EPHB1: variants seen among roughly 807,000 people sequenced by gnomAD.
EPHB1 encodes EPH receptor B1.
EPHB1 carries 30 observed loss-of-function variants against 94.4 expected under a neutral mutation model. The observed-to-expected ratio is 0.32, with a 90% CI of 0.24 to 0.43. The LOEUF is 0.43. Among genes scored for constraint, EPHB1 ranks in the 20% least tolerant of loss-of-function variants. The probability of loss-of-function intolerance (pLI) is 1.00; values close to 1 mark genes in which losing one functional copy is unlikely to be tolerated. For missense variants in EPHB1, 1,055 were observed against 1,308.3 expected, an observed-to-expected ratio of 0.81 and a Z score of 2.99; for synonymous variants, 522 against 489.1, an observed-to-expected ratio of 1.07 and a Z score of -0.89.
intron 1 of EPHB1, 81 bp downstream of exon 1, chr3:134,795,770 C>T (rs568826865): frequency 6.8e-7 from 1 of 1,472,458 alleles, no homozygotes; most frequent in Non-Finnish European, 9.4e-7. Context: ...CGCGGGGTTC[C>T]TCTGGCTGCT....
intron 12 of EPHB1, among the ~76,000 whole-genome samples, chr3:135,225,388 C>T (rs527980062): frequency 4.9e-4 from 74 of 152,316 alleles, no homozygotes; most frequent in South Asian, 1.5e-3. Context: ...CCCTGGGCTT[C>T]TCCTGACTTG....
intron 1 of EPHB1, among the ~76,000 whole-genome samples, chr3:134,825,095 C>T (rs1169883379): frequency 6.6e-6 from 1 of 152,190 alleles, no homozygotes; most frequent in Admixed American, 6.5e-5. Flanking sequence ...CAAGCAGTCC[C>T]TTGAATTTGC....
intron 12 of EPHB1, among the ~76,000 whole-genome samples, chr3:135,239,968 C>T (rs893423662): frequency 7.2e-5 from 11 of 152,114 alleles, no homozygotes; most frequent in African/African-American, 9.7e-5. Flanking sequence ...TACTTGCCCC[C>T]GCCGCACAGG....
chr3:135,171,960 C>T (rs1941815051), intron 9 of EPHB1, among the ~76,000 whole-genome samples: 2 of 152,056 alleles, frequency 1.3e-5, no homozygotes, highest in Admixed American at 6.5e-5. Flanking sequence ...TCTGTGGTCT[C>T]GATAAGGGTT....
At chr3:134,865,840 A>G (rs1190198660) in intron 1 of EPHB1, among the ~76,000 whole-genome samples, 2 of 152,236 alleles carry the variant, frequency 1.3e-5, no homozygotes, top group Non-Finnish European at 1.5e-5. Context: ...AACCATTTGA[A>G]ATTGCCATTT....
At chr3:134,867,448 C>T (rs956056126) in intron 1 of EPHB1, among the ~76,000 whole-genome samples, 5 of 152,050 alleles carry the variant, frequency 3.3e-5, no homozygotes, top group South Asian at 2.1e-4. Context: ...TGGAGTGGAG[C>T]GTGTAGGAGC....
chr3:135,238,808 G>T (rs1286735508), intron 12 of EPHB1, among the ~76,000 whole-genome samples: 1 of 151,998 alleles, frequency 6.6e-6, no homozygotes, highest in Admixed American at 6.6e-5. Flanking sequence ...CTTAACCCAG[G>T]TATTTTGAGA....
At chr3:135,163,161 T>A (rs898783711) in intron 7 of EPHB1, among the ~76,000 whole-genome samples, 1 of 152,246 alleles carries the variant, frequency 6.6e-6, no homozygotes, top group Non-Finnish European at 1.5e-5. Flanking sequence ...TGAGATTTTA[T>A]CTTGATGCAC....
At chr3:135,242,632 C>T (rs1943813856) in intron 13 of EPHB1, among the ~76,000 whole-genome samples, 1 of 152,112 alleles carries the variant, frequency 6.6e-6, no homozygotes, top group Non-Finnish European at 1.5e-5. Context: ...TCTAGGTCCT[C>T]TATTATCTGG....
chr3:135,013,702 C>A (rs1323317943), intron 3 of EPHB1, among the ~76,000 whole-genome samples: 1 of 152,170 alleles, frequency 6.6e-6, no homozygotes, highest in African/African-American at 2.4e-5. Context: ...CAAATATATT[C>A]CCAAAGAGAA....
intron 3 of EPHB1, chr3:134,978,129 CCCCTCAGAAG>C: frequency 5.1e-6 from 2 of 395,408 alleles, no homozygotes; most frequent in South Asian, 3.8e-5. Flanking sequence ...TTCCCTTTCT[CCCCTCAGAAG>C]CCCTCCACTC....
intron 13 of EPHB1, among the ~76,000 whole-genome samples, chr3:135,245,673 G>A (rs1355812953): frequency 1.3e-5 from 2 of 151,936 alleles, no homozygotes; most frequent in Admixed American, 6.6e-5. Context: ...GGGCATAATG[G>A]TGCATGCCTG....
intron 3 of EPHB1, among the ~76,000 whole-genome samples, chr3:135,005,732 C>G (rs562010575): frequency 6.6e-6 from 1 of 152,234 alleles, no homozygotes; most frequent in Non-Finnish European, 1.5e-5. Flanking sequence ...CAGGTGCCGT[C>G]CATCACCCCT....
At chr3:135,097,889 C>G (rs953142669) in intron 3 of EPHB1, among the ~76,000 whole-genome samples, 1 of 152,210 alleles carries the variant, frequency 6.6e-6, no homozygotes, top group Non-Finnish European at 1.5e-5. Context: ...CCTTCTACAA[C>G]TACTCTCAAA....
chr3:134,930,398 C>T (rs1390026299), intron 2 of EPHB1, among the ~76,000 whole-genome samples: 1 of 152,218 alleles, frequency 6.6e-6, no homozygotes, highest in Non-Finnish European at 1.5e-5. Flanking sequence ...CAGGGGCTAC[C>T]TGGTGAACAG....
chr3:135,202,858 A>T (rs549657156), intron 12 of EPHB1, among the ~76,000 whole-genome samples: 2 of 152,202 alleles, frequency 1.3e-5, no homozygotes, highest in Non-Finnish European at 2.9e-5. Flanking sequence ...TGACCGAGCA[A>T]TCCTTTACTG....
At chr3:134,976,675 A>T (rs1454724190) in intron 3 of EPHB1, among the ~76,000 whole-genome samples, 1 of 152,248 alleles carries the variant, frequency 6.6e-6, no homozygotes, top group East Asian at 1.9e-4. Flanking sequence ...GTGATGCCAC[A>T]TATTCTTCCA....
rs116498844 is a variant in EPHB1 at position 135,185,926 on chromosome 3, C to A, written c.1882+5944C>A. Among the ~76,000 whole-genome samples, 584 of 152,360 alleles carry A rather than the reference C, an allele frequency of 3.8e-3. 6 individuals are homozygous for A. Among genetic ancestry groups the A allele is most frequent in the Non-Finnish European group, 5.1e-3 (350 of 68,036 alleles). On this transcript the variant is annotated intron_variant, in intron 10 of 15. Transcript: ENST00000398015. The stretch of plus-strand genomic sequence containing the variant: ...TTGTGATGCTACAAAGACTGTCCCA[C>A]ATGCCCTGGAGAGAGCATGGTCCTC...
chr3:134,820,581 C>T (rs1198694404), intron 1 of EPHB1, among the ~76,000 whole-genome samples: 1 of 152,216 alleles, frequency 6.6e-6, no homozygotes, highest in Non-Finnish European at 1.5e-5. Context: ...TTATTCCATG[C>T]AGAGACAAGC....
Sources: gnomAD v4.1 joint callset for allele counts (sites outside exome capture counted in the v4.1 genomes callset) on GRCh38, gnomAD v4.1.1 for gene constraint, MANE v1.5 for transcripts, NCBI Gene and HGNC (gene_info 2026-07-23, HGNC 2026-07-21) for gene names.